The following AKAP6 variants were observed in gnomAD, a reference collection of about 807,000 sequenced individuals.
The protein encoded by AKAP6 is A-kinase anchoring protein 6.
A neutral mutation model predicts 188.5 loss-of-function variants in AKAP6; 58 were observed. The ratio of observed to expected loss-of-function variants is 0.31; its 90% confidence interval spans 0.25 to 0.38. The LOEUF (loss-of-function observed/expected upper bound fraction) is 0.38, where lower values mean the gene tolerates loss of function less well. Among genes scored for constraint, AKAP6 ranks in the 10% least tolerant of loss-of-function variants. The pLI is 1.00. For synonymous variants in AKAP6, 989 were observed against 998.6 expected (o/e 0.99, Z 0.18); for missense variants, 2,710 against 2,740.0 (o/e 0.99, Z 0.24).
At chr14:32,557,704 A>G (rs1304139116) in intron 4 of AKAP6, among the ~76,000 whole-genome samples, 1 of 151,946 alleles carries the variant, frequency 6.6e-6, no homozygotes, top group Non-Finnish European at 1.5e-5. Context: ...ACTTTTCTTC[A>G]CTGGCATTCC....
At chr14:32,428,353 AATAGGGACTGC>A (rs1413729284) in intron 1 of AKAP6, among the ~76,000 whole-genome samples, 1 of 152,134 alleles carries the variant, frequency 6.6e-6, no homozygotes, top group African/African-American at 2.4e-5. Flanking sequence ...TTAGCTTCCA[AATAGGGACTGC>A]ATAGCAGCCC....
intron 4 of AKAP6, among the ~76,000 whole-genome samples, chr14:32,548,895 T>A (rs1228925311): frequency 1.3e-5 from 2 of 152,324 alleles, no homozygotes; most frequent in East Asian, 1.9e-4. Flanking sequence ...CCTCCTAATT[T>A]TTTTTTGTTC....
chr14:32,805,869 A>C (rs771304929), intron 12 of AKAP6, among the ~76,000 whole-genome samples: 3 of 152,232 alleles, frequency 2.0e-5, no homozygotes, highest in South Asian at 4.1e-4. Flanking sequence ...TTGAAATACC[A>C]ATATTGAAAA....
chr14:32,382,993 C>A (rs759886147), intron 1 of AKAP6, among the ~76,000 whole-genome samples: 9 of 151,894 alleles, frequency 5.9e-5, no homozygotes, highest in Admixed American at 1.3e-4. Context: ...GCCCTACAAC[C>A]CCTGGTTTAA....
At chr14:32,584,901 C>T (rs1415221937) in intron 5 of AKAP6, among the ~76,000 whole-genome samples, 1 of 152,128 alleles carries the variant, frequency 6.6e-6, no homozygotes, top group Non-Finnish European at 1.5e-5. Context: ...TGTTGATGGA[C>T]ATTTAAGCCA....
chr14:32,470,032 A>G (rs1266156603), intron 2 of AKAP6, among the ~76,000 whole-genome samples: 1 of 152,160 alleles, frequency 6.6e-6, no homozygotes, highest in Non-Finnish European at 1.5e-5. Context: ...TTCTGAATAT[A>G]ATTACTAATA....
intron 9 of AKAP6, among the ~76,000 whole-genome samples, chr14:32,717,291 AT>A (rs963922818): frequency 5.3e-5 from 8 of 152,054 alleles, no homozygotes; most frequent in South Asian, 2.1e-4. Context: ...CTCTTAATGA[AT>A]TTTTTTCAGC....
At chr14:32,646,685 G>T (rs771060986) in intron 7 of AKAP6, among the ~76,000 whole-genome samples, 5 of 152,126 alleles carry the variant, frequency 3.3e-5, no homozygotes, top group Non-Finnish European at 5.9e-5. Flanking sequence ...AACCTTCAAT[G>T]AATGTCATTC....
intron 7 of AKAP6, among the ~76,000 whole-genome samples, chr14:32,656,665 G>C (rs1888468183): frequency 6.6e-6 from 1 of 152,064 alleles, no homozygotes; most frequent in African/African-American, 2.4e-5. Flanking sequence ...ATAGGCAATT[G>C]TTTTAAATAT....
At chr14:32,390,856 A>G (rs1026046941) in intron 1 of AKAP6, among the ~76,000 whole-genome samples, 1 of 152,114 alleles carries the variant, frequency 6.6e-6, no homozygotes, top group Non-Finnish European at 1.5e-5. Flanking sequence ...TTCACGACGC[A>G]AGCCTCCATA....
intron 2 of AKAP6, among the ~76,000 whole-genome samples, chr14:32,504,831 C>T (rs940401940): frequency 1.3e-5 from 2 of 152,114 alleles, no homozygotes; most frequent in African/African-American, 2.4e-5. Context: ...TGTTACATAC[C>T]CATTAGGGTA....
At chr14:32,352,125 G>A (rs1333373505) in intron 1 of AKAP6, among the ~76,000 whole-genome samples, 2 of 148,088 alleles carry the variant, frequency 1.4e-5, no homozygotes, top group Non-Finnish European at 3.0e-5. Flanking sequence ...GTGTGTGTGT[G>A]TGTGTGTGTG....
In AKAP6 at chr14:32,836,724, ACTG is replaced by A. The variant is rs533479214; in HGVS notation, c.*6922_*6924del. 2.1e-4 allele frequency: 32 copies of A among 152,282 alleles called. No individual in the cohort carries two copies. The East Asian group carries it at 6.0e-3, about 29-fold the overall frequency. 9.4% of individuals were successfully genotyped at this position (152,282 alleles called of 1,614,324 possible). On this transcript the variant is annotated 3_prime_UTR_variant, in exon 14 of 14. Coordinates refer to ENST00000280979, the MANE Select transcript of AKAP6 (RefSeq NM_004274.5). ...CCTTGTGACACCATATTTAAGAGCC[ACTG>A]CTATTGAGGCTTGCACTCTCTTGCT...
chr14:32,396,373 C>G (rs1171070139), intron 1 of AKAP6, among the ~76,000 whole-genome samples: 1 of 152,158 alleles, frequency 6.6e-6, no homozygotes, highest in African/African-American at 2.4e-5. Flanking sequence ...TTGGGGTTGT[C>G]TACCTATCAG....
At chr14:32,390,756 G>A (rs1332365053) in intron 1 of AKAP6, among the ~76,000 whole-genome samples, 1 of 152,042 alleles carries the variant, frequency 6.6e-6, no homozygotes, top group Non-Finnish European at 1.5e-5. Flanking sequence ...GTGTCTCCTG[G>A]GTCCTGCAGG....
At chr14:32,652,415 C>G (rs956132001) in intron 7 of AKAP6, among the ~76,000 whole-genome samples, 2 of 152,124 alleles carry the variant, frequency 1.3e-5, no homozygotes, top group African/African-American at 4.8e-5. Context: ...CTAGATTACT[C>G]CACCTGCCTC....
intron 7 of AKAP6, among the ~76,000 whole-genome samples, chr14:32,616,511 T>C (rs11627076): frequency 0.32 from 48,272 of 151,996 alleles, 9,013 homozygotes; most frequent in East Asian, 0.73. Context: ...AACAGAAAAC[T>C]AAATATGTTC....
intron 12 of AKAP6, among the ~76,000 whole-genome samples, chr14:32,819,225 T>C (rs2034459828): frequency 6.6e-6 from 1 of 152,224 alleles, no homozygotes; most frequent in Non-Finnish European, 1.5e-5. Flanking sequence ...GTTTAGCTTG[T>C]AACTGGACTC....
intron 5 of AKAP6, among the ~76,000 whole-genome samples, chr14:32,587,423 G>A (rs78580421): frequency 0.036 from 5,481 of 152,196 alleles, 318 homozygotes; most frequent in African/African-American, 0.13. Context: ...CTACTAGGGG[G>A]CAAAAGCACG....
Sources: allele counts gnomAD v4.1 joint callset (sites outside exome capture counted in the v4.1 genomes callset), GRCh38; gene constraint gnomAD v4.1.1; transcripts MANE v1.5; gene names NCBI Gene and HGNC (gene_info 2026-07-23, HGNC 2026-07-21).